RASAL3: variants seen among roughly 807,000 people sequenced by gnomAD.
RASAL3 encodes RAS protein activator like-3.
RASAL3 carries 74 observed loss-of-function variants against 105.5 expected under a neutral mutation model. The ratio of observed to expected loss-of-function variants is 0.70; its 90% CI spans 0.58 to 0.85. The LOEUF is 0.85. Among genes scored for constraint, RASAL3 ranks in the 40% least tolerant of loss-of-function variants. The pLI, the probability that RASAL3 is intolerant of heterozygous loss-of-function variation, is 0.00. For synonymous variants in RASAL3, 579 were observed against 591.6 expected (o/e 0.98, Z 0.31); for missense variants, 1,352 against 1,392.0 (o/e 0.97, Z 0.46).
In RASAL3 at chr19:15,457,901, G is replaced by C; in HGVS notation, c.889-67C>G. On this transcript the variant is annotated intron_variant, in intron 8 of 17. Coordinates refer to ENST00000343625, the MANE Select transcript of RASAL3 (RefSeq NM_022904.3). This position sits in a 1 kb window ranked among gnomAD's most constrained non-coding sequence, Gnocchi z 8.6. ...TGGCACCCCAAAGAAGGCACCGCAA[G>C]TGAAGCGTGGAGCCTCAAACCTGTT... 2 of 1,515,450 alleles carry C rather than the reference G, an allele frequency of 1.3e-6. No individual in the cohort carries two copies. Among genetic ancestry groups the C allele is most frequent in the Non-Finnish European group, 1.8e-6 (2 of 1,121,996 alleles). 93.9% of individuals were successfully genotyped at this position (1,515,450 alleles called of 1,614,324 possible). A position where few individuals can be genotyped will look rare whatever the true frequency, so the allele number is the denominator to read the frequency against.
chr19:15,461,736 T>C (rs1330434254), intron 2 of RASAL3, 129 bp from the exon 3 acceptor site: 7 of 1,330,872 alleles, frequency 5.3e-6, no homozygotes, highest in Non-Finnish European at 6.8e-6. Flanking sequence ...CGTATCAGAC[T>C]GTATGACCTT....
rs1253074870 is a variant in RASAL3, at chr19:15,458,630, C to T, written c.688G>A (p.Glu230Lys). ...AGTTCAGAGAGTGTGGCCAGCGACT[C>T]CCTAGAGCCCAGAGCACTGGGGGGT... ...DGPPSALGSR[E>K]SLATLSELDL... The change falls in exon 7 of 18, where the codon GAG (glutamate) becomes AAG (lysine). Residue 230 changes from glutamate (E) to lysine (K), a missense_variant. Transcript: ENST00000343625. The T allele has an allele frequency of 6.2e-7, 1 of 1,613,426 alleles. No homozygotes were observed. The highest frequency in any genetic ancestry group is 8.5e-7 in the Non-Finnish European group (1 of 1,179,698).
At chr19:15,461,029 C>T (rs1346221224) in intron 5 of RASAL3, 31 bp downstream of exon 5, 2 of 1,609,100 alleles carry the variant, frequency 1.2e-6, no homozygotes, top group African/African-American at 2.7e-5. Context: ...TGGCTCTCCC[C>T]TCTACCTCCC....
In RASAL3 at chr19:15,456,319, C is replaced by A; in HGVS notation, c.1577-71G>T. On this transcript the variant is annotated intron_variant, in intron 10 of 17. Transcript: ENST00000343625. This position sits in a 1 kb window ranked among gnomAD's most constrained non-coding sequence, Gnocchi z 4.4. ...AAACCTGCCACACCCATCCTCCAAC[C>A]TTGTCTTCAGGTTATTCCGGAGGCA... 6.3e-7 allele frequency: 1 copy of A among 1,584,840 alleles called. No homozygotes were observed.
At chr19:15,454,626 G>A (rs181213117) in intron 12 of RASAL3, 31 bp downstream of exon 12, 1 of 1,611,476 alleles carries the variant, frequency 6.2e-7, no homozygotes, top group East Asian at 2.2e-5. Flanking sequence ...TCCCAGCATG[G>A]TCCCCCCACC....
intron 5 of RASAL3, among the ~76,000 whole-genome samples, chr19:15,460,824 A>G (rs1198945599): frequency 6.6e-6 from 1 of 152,186 alleles, no homozygotes; most frequent in Non-Finnish European, 1.5e-5. Flanking sequence ...CCTCCCGAGT[A>G]GCTTGGACTA....
At chr19:15,460,319 C>A in intron 5 of RASAL3, 61 bp from the exon 6 acceptor site, 1 of 1,483,650 alleles carries the variant, frequency 6.7e-7, no homozygotes, top group South Asian at 1.2e-5. Flanking sequence ...CTCCTTCCCT[C>A]CCAAGACATC....
rs1005358665 is a variant in RASAL3 at position 15,456,715 on chromosome 19, G to C, written c.1432-69C>G. ...TCCAAGGGAATTCGGATCCTTGGCT[G>C]GTCCCTCACACCAGAGGCACAGGCC... On this transcript the variant is annotated intron_variant, in intron 9 of 17. Coordinates refer to ENST00000343625, the MANE Select transcript of RASAL3 (RefSeq NM_022904.3). This position sits in a 1 kb window ranked among gnomAD's most constrained non-coding sequence, Gnocchi z 4.4. The C allele has an allele frequency of 2.6e-6, 4 of 1,542,400 alleles. No individual in the cohort carries two copies. In the African/African-American group the frequency reaches 4.1e-5, roughly 16 times the overall value.
intron 11 of RASAL3, 137 bp from the exon 12 acceptor site, chr19:15,455,030 G>A: frequency 1.5e-6 from 1 of 666,062 alleles, no homozygotes; most frequent in Admixed American, 3.1e-5. Flanking sequence ...AGCCCATGCA[G>A]GCTTCCTTCT....
rs1703267560 is a variant in RASAL3, at chr19:15,457,425, T to C, written c.1298A>G (p.Lys433Arg). The change falls in exon 9 of 18, where the codon AAG (lysine) becomes AGG (arginine). Residue 433 changes from lysine to arginine, a missense_variant. Physicochemically the swap from Lys to Arg is conservative, Grantham distance 26 (BLOSUM62 2). Coordinates refer to ENST00000343625, the MANE Select transcript of RASAL3 (RefSeq NM_022904.3). This position sits in a 1 kb window ranked among gnomAD's most constrained non-coding sequence, Gnocchi z 8.6. ...GAAGGTGAGGAACTCCGCCAGCTCC[T>C]TGTAGCGCTCGGACGGCAGCACGCG... is the stretch of plus-strand genomic sequence containing the variant. ...RLRVLPSERY[K>R]ELAEFLTFHY... 4 of 1,440,526 alleles carry C rather than the reference T, an allele frequency of 2.8e-6. No individual in the cohort carries two copies. The highest frequency in any genetic ancestry group is 1.3e-5 in the South Asian group (1 of 77,684). 89.2% of individuals were successfully genotyped at this position (1,440,526 alleles called of 1,614,324 possible). A position where few individuals can be genotyped will look rare whatever the true frequency, so the allele number is the denominator to read the frequency against.
chr19:15,461,400 C>A, intron 3 of RASAL3, 71 bp downstream of exon 3: 1 of 1,526,216 alleles, frequency 6.6e-7, no homozygotes, highest in Non-Finnish European at 8.9e-7. Context: ...CTCCCTCCAG[C>A]CCCTGCCTCT....
In RASAL3 at chr19:15,452,756, G is replaced by C; in HGVS notation, c.2730C>G (p.Arg910=). Residue 910 remains arginine (R), a synonymous_variant, in exon 16 of 18, where the codon CGC becomes CGG. Coordinates refer to ENST00000343625, the MANE Select transcript of RASAL3 (RefSeq NM_022904.3). ...TTTGGGTGCTCAGCGACTCCACGAG[G>C]CGGGACAGCACTTTCTGCTCCTCAC... ...ALREEQKVLS[R]LVESLSTQIR... 6.4e-7 allele frequency: 1 copy of C among 1,562,334 alleles called. No homozygotes were observed.
chr19:15,458,593 G>A lies in RASAL3; in HGVS notation c.725C>T (p.Ala242Val). ...TGGCCAGATCCGCACATCCCGCTCG[G>A]CACCCAGGTCCAGTTCAGAGAGTGT... ...LATLSELDLG[A>V]ERDVRIWPLH... The change falls in exon 7 of 18, where the codon GCC (alanine) becomes GTC (valine). Residue 242 changes from alanine to valine, a missense_variant. Ala to Val is a moderately conservative substitution (Grantham distance 64, BLOSUM62 0). Coordinates refer to ENST00000343625, the MANE Select transcript of RASAL3 (RefSeq NM_022904.3). The A allele has an allele frequency of 6.2e-7, 1 of 1,613,568 alleles. No homozygotes were observed. The highest frequency in any genetic ancestry group is 8.5e-7 in the Non-Finnish European group (1 of 1,179,748).
At position 15,454,674 on chromosome 19, in the gene RASAL3, G is replaced by A; in HGVS notation, c.1941C>T (p.Asn647=). 6.2e-7 allele frequency: 1 copy of A among 1,609,628 alleles called. No individual in the cohort carries two copies. Among genetic ancestry groups the A allele is most frequent in the Non-Finnish European group, 8.5e-7 (1 of 1,176,928 alleles). ...GCACCTACGGGGCACGGTTGGCGAGGTTCTGGATGACCTTGGCAATCAGTG... is the reference window on the plus strand; with the variant it reads ...GCACCTACGGGGCACGGTTGGCGAGATTCTGGATGACCTTGGCAATCAGTG... ...TLTLIAKVIQ[N]LANRAPFGEK... is the part of the protein sequence containing the mutation. Residue 647 remains asparagine, a synonymous_variant, in exon 12 of 18, where the codon AAC becomes AAT. Transcript: ENST00000343625.
chr19:15,456,050 G>C lies in RASAL3; in HGVS notation c.1721+54C>G. The C allele has an allele frequency of 6.3e-7, 1 of 1,578,606 alleles. No individual in the cohort carries two copies. Among genetic ancestry groups the C allele is most frequent in the East Asian group, 2.3e-5 (1 of 44,264 alleles). ...ATCTGGCCACCCTAAACTGGAGGTC[G>C]GGGCTAGCATGGTAAGCAGGGGTGG... is the stretch of plus-strand genomic sequence containing the variant. On this transcript the variant is annotated intron_variant, in intron 11 of 17. Transcript: ENST00000343625. The surrounding 1 kb of genome is among the most constrained non-coding windows in gnomAD (Gnocchi z 4.4).
chr19:15,457,601 G>T lies in RASAL3; in HGVS notation c.1122C>A (p.Gly374=). 1 of 1,342,312 alleles carries T rather than the reference G, an allele frequency of 7.4e-7. No individual in the cohort carries two copies. Among genetic ancestry groups the T allele is most frequent in the Non-Finnish European group, 9.6e-7 (1 of 1,043,346 alleles). 83.2% of individuals were successfully genotyped at this position (1,342,312 alleles called of 1,614,324 possible). Residue 374 remains glycine, a synonymous_variant, in exon 9 of 18, where the codon GGC becomes GGA. Coordinates refer to ENST00000343625, the MANE Select transcript of RASAL3 (RefSeq NM_022904.3). This position sits in a 1 kb window ranked among gnomAD's most constrained non-coding sequence, Gnocchi z 8.6. The stretch of plus-strand genomic sequence containing the variant: ...CGCGGCCCAGCACCGCGCTTCCCGG[G>T]CCCAAGCCGCGCAGCCGCAGCGACA... The part of the protein sequence containing the change: ...RRLSLRLRGL[G]PGSAVLGRVA...
chr19:15,457,593 C>T lies in RASAL3; in HGVS notation c.1130G>A (p.Ser377Asn). ...CAGGGCCACGCGGCCCAGCACCGCGCTTCCCGGGCCCAAGCCGCGCAGCCG... is the reference window on the plus strand; with the variant it reads ...CAGGGCCACGCGGCCCAGCACCGCGTTTCCCGGGCCCAAGCCGCGCAGCCG... ...SLRLRGLGPG[S>N]AVLGRVALAL... Residue 377 changes from serine (S) to asparagine (N), a missense_variant, in exon 9 of 18, where the codon AGC (serine) becomes AAC (asparagine). Physicochemically the swap from Ser to Asn is conservative, Grantham distance 46. Transcript: ENST00000343625. The surrounding 1 kb of genome is among the most constrained non-coding windows in gnomAD (Gnocchi z 8.6). 1.5e-6 allele frequency: 2 copies of T among 1,311,610 alleles called. No homozygotes were observed. Among genetic ancestry groups the T allele is most frequent in the Non-Finnish European group, 1.9e-6 (2 of 1,027,058 alleles). The allele number at this position is 1,311,610 out of a possible 1,614,324, so 81.2% of individuals were successfully genotyped here. A position where few individuals can be genotyped will look rare whatever the true frequency, so the allele number is the denominator to read the frequency against.
intron 1 of RASAL3, 22 bp from the exon 2 acceptor site, chr19:15,464,399 G>A (rs1284423426): frequency 1.4e-6 from 2 of 1,473,988 alleles, no homozygotes; most frequent in African/African-American, 1.4e-5. Flanking sequence ...GAGAGTGACA[G>A]TAGTGCCCAG....
At position 15,456,883 on chromosome 19, in the gene RASAL3, C is replaced by T. The variant is rs895937097; in HGVS notation, c.1432-237G>A. 8.6e-6 allele frequency: 5 copies of T among 581,134 alleles called. No homozygotes were observed. In the East Asian group the frequency reaches 1.5e-4, roughly 17 times the overall value. 36.0% of individuals were successfully genotyped at this position (581,134 alleles called of 1,614,324 possible). On this transcript the variant is annotated intron_variant, in intron 9 of 17. Coordinates refer to ENST00000343625, the MANE Select transcript of RASAL3 (RefSeq NM_022904.3). The surrounding 1 kb of genome is among the most constrained non-coding windows in gnomAD (Gnocchi z 4.4). The stretch of plus-strand genomic sequence containing the variant: ...GGCCCCGCCCCTCACGCGTGATGCT[C>T]AGGCCCCTGTCGCAGCTGAAGCTTA...
Sources: allele counts gnomAD v4.1 joint callset (sites outside exome capture counted in the v4.1 genomes callset), GRCh38; gene constraint gnomAD v4.1.1; non-coding constraint Gnocchi (gnomAD v3.1); transcripts MANE v1.5; gene names NCBI Gene and HGNC (gene_info 2026-07-23, HGNC 2026-07-21).